ARFGAP3: variants seen among roughly 807,000 people sequenced by gnomAD.
ARFGAP3 encodes the protein ARF GTPase activating protein 3, also known as ADP-ribosylation factor GTPase-activating protein 3.
In ARFGAP3, 72 loss-of-function variants were observed where a neutral mutation model predicts 75.0. That is an observed-to-expected ratio of 0.96 (90% confidence interval 0.79 to 1.17). The LOEUF (loss-of-function observed/expected upper bound fraction) is 1.17, where lower values mean the gene tolerates loss of function less well. ARFGAP3 is among the 50% of genes most tolerant of loss of function. ARFGAP3 has a pLI of 0.00. For missense variants in ARFGAP3, 620 were observed against 626.6 expected, an observed-to-expected ratio of 0.99 and a Z score of 0.11; for synonymous variants, 221 against 217.9, an observed-to-expected ratio of 1.01 and a Z score of -0.13.
intron 11 of ARFGAP3, among the ~76,000 whole-genome samples, chr22:42,816,713 T>C: frequency 6.6e-6 from 1 of 152,254 alleles, no homozygotes; most frequent in South Asian, 2.1e-4. Context: ...CACACACCCA[T>C]AGAGTTTATT....
chr22:42,829,765 A>T (rs1050631193), intron 6 of ARFGAP3, among the ~76,000 whole-genome samples: 1 of 152,242 alleles, frequency 6.6e-6, no homozygotes, highest in African/African-American at 2.4e-5. Context: ...ATATGCCTAG[A>T]AGGGCTTCCT....
chr22:42,836,547 T>C (rs1241137564), intron 3 of ARFGAP3, among the ~76,000 whole-genome samples: 1 of 152,188 alleles, frequency 6.6e-6, no homozygotes, highest in Non-Finnish European at 1.5e-5. Context: ...TAACAGATAC[T>C]ACAATATAGG....
intron 2 of ARFGAP3, among the ~76,000 whole-genome samples, chr22:42,846,403 C>T (rs574128688): frequency 1.3e-5 from 2 of 152,332 alleles, no homozygotes; most frequent in South Asian, 4.1e-4. Flanking sequence ...TATTTCACTT[C>T]ACAAATAGTC....
In ARFGAP3 at chr22:42,830,703, TAAGA is replaced by T. The variant is rs1485339359; in HGVS notation, c.565+842_565+845del. 9.2e-5 allele frequency among the ~76,000 whole-genome samples: 14 copies of T among 152,382 alleles called. No individual in the cohort carries two copies. In the East Asian group the frequency reaches 1.7e-3, roughly 19 times the overall value. On this transcript the variant is annotated intron_variant, in intron 6 of 15. Coordinates refer to ENST00000263245, the MANE Select transcript of ARFGAP3 (RefSeq NM_014570.5). ...TATATTTACAATAAATGTAATCCTGTAAGAAAGTCACCAAATGTGAATCATTATG... is the reference window on the plus strand; with the variant it reads ...TATATTTACAATAAATGTAATCCTGTAAGTCACCAAATGTGAATCATTATG...
At chr22:42,835,292 G>C (rs994197104) in intron 4 of ARFGAP3, 70 bp downstream of exon 4, 3 of 1,556,100 alleles carry the variant, frequency 1.9e-6, no homozygotes, top group African/African-American at 2.7e-5. Flanking sequence ...TTACTATTCA[G>C]GATAAAAATC....
At chr22:42,817,632 A>AT (rs1477397316) in intron 10 of ARFGAP3, 97 bp downstream of exon 10, 2 of 1,053,690 alleles carry the variant, frequency 1.9e-6, no homozygotes, top group African/African-American at 3.3e-5. Context: ...TAACAAAAAA[A>AT]AATCTCTAAA....
chr22:42,842,380 T>G (rs1926825314), intron 2 of ARFGAP3, among the ~76,000 whole-genome samples: 1 of 147,126 alleles, frequency 6.8e-6, no homozygotes, highest in African/African-American at 2.5e-5. Flanking sequence ...ACTCCTGGGC[T>G]CAGGCAATCC....
chr22:42,797,031 T>C lies in ARFGAP3; in HGVS notation c.*557A>G, dbSNP rs1468861020. 1 of 152,346 alleles carries C rather than the reference T, an allele frequency of 6.6e-6. No individual in the cohort carries two copies. Among genetic ancestry groups the C allele is most frequent in the Admixed American group, 6.5e-5 (1 of 15,288 alleles). The allele number at this position is 152,346 out of a possible 1,614,324, so 9.4% of individuals were successfully genotyped here. ...AAAACATTTTTAAATTTATAGGTCA[T>C]ATAAAATAATTTACAAAGAGACAGA... On this transcript the variant is annotated 3_prime_UTR_variant, in exon 16 of 16. Coordinates refer to ENST00000263245, the MANE Select transcript of ARFGAP3 (RefSeq NM_014570.5).
rs1453179071 is a variant in ARFGAP3 at position 42,797,806 on chromosome 22, A to G, written c.1534-201T>C. Reference sequence around the variant, plus strand: ...GCTGAGGGTAGGTGTGGGCTTCAGAACCCAACAGGATTCACATCCTGCCTC... The same window carrying G: ...GCTGAGGGTAGGTGTGGGCTTCAGAGCCCAACAGGATTCACATCCTGCCTC... On this transcript the variant is annotated intron_variant, in intron 15 of 15. Coordinates refer to ENST00000263245, the MANE Select transcript of ARFGAP3 (RefSeq NM_014570.5). 5 of 923,012 alleles carry G rather than the reference A, an allele frequency of 5.4e-6. No individual in the cohort carries two copies. In the African/African-American group the frequency reaches 9.0e-5, roughly 17 times the overall value. The allele number at this position is 923,012 out of a possible 1,614,324, so 57.2% of individuals were successfully genotyped here.
intron 9 of ARFGAP3, among the ~76,000 whole-genome samples, chr22:42,821,316 T>C (rs963074644): frequency 3.3e-5 from 5 of 152,220 alleles, no homozygotes; most frequent in Admixed American, 6.5e-5. Flanking sequence ...TGTGCCATCA[T>C]CACCACTAAC....
rs1376015025 is a variant in ARFGAP3, at chr22:42,848,780, C to A, written c.70-1148G>T. Among the ~76,000 whole-genome samples the A allele has an allele frequency of 2.6e-5, 4 of 152,200 alleles. No homozygotes were observed. The East Asian group carries it at 7.7e-4, about 29-fold the overall frequency. On this transcript the variant is annotated intron_variant, in intron 1 of 15. Transcript: ENST00000263245. ...TGGCAGCCAGACTCCAAGATGGCCC[C>A]AGTGAAACCCACCTCCTGGTATTTG... is the stretch of plus-strand genomic sequence containing the variant.
intron 14 of ARFGAP3, among the ~76,000 whole-genome samples, chr22:42,806,629 C>T (rs557914581): frequency 6.6e-6 from 1 of 152,216 alleles, no homozygotes; most frequent in Non-Finnish European, 1.5e-5. Flanking sequence ...TCATTTAAGC[C>T]GCATGACAAC....
chr22:42,820,316 T>C (rs1398079323), intron 9 of ARFGAP3, among the ~76,000 whole-genome samples: 2 of 152,244 alleles, frequency 1.3e-5, no homozygotes, highest in Non-Finnish European at 2.9e-5. Context: ...TAAATTTTTG[T>C]ACACAAAGCA....
chr22:42,851,875 T>C (rs1010535387), intron 1 of ARFGAP3, among the ~76,000 whole-genome samples: 4 of 152,224 alleles, frequency 2.6e-5, no homozygotes, highest in Non-Finnish European at 4.4e-5. Context: ...TCAGGCACTA[T>C]TGTTGGCACT....
At chr22:42,811,958 C>T (rs1257578199) in intron 11 of ARFGAP3, among the ~76,000 whole-genome samples, 1 of 152,182 alleles carries the variant, frequency 6.6e-6, no homozygotes, top group Non-Finnish European at 1.5e-5. Context: ...AGGTGGATTG[C>T]TTGAGCCTGG....
chr22:42,820,979 G>A (rs1925788467), intron 9 of ARFGAP3, among the ~76,000 whole-genome samples: 1 of 151,900 alleles, frequency 6.6e-6, no homozygotes, highest in African/African-American at 2.4e-5. Context: ...GTTTCTCTTG[G>A]GTAAGTGGAC....
Position 42,797,436 on chromosome 22 carries a change from CAAAAG to C in ARFGAP3, c.*147_*151del, listed in dbSNP as rs781267843. 9.0e-5 allele frequency: 91 copies of C among 1,006,452 alleles called. No homozygotes were observed. The highest frequency in any genetic ancestry group is 2.2e-4 in the Middle Eastern group (1 of 4,588). 62.3% of individuals were successfully genotyped at this position (1,006,452 alleles called of 1,614,324 possible). On this transcript the variant is annotated 3_prime_UTR_variant, in exon 16 of 16. Transcript: ENST00000263245. Reference sequence around the variant, plus strand: ...TCCTACATCAGAACTCAGAATTTCTCAAAAGAAATATTAAAAATCAGAAACATATA... The same window carrying C: ...TCCTACATCAGAACTCAGAATTTCTCAAATATTAAAAATCAGAAACATATA...
intron 14 of ARFGAP3, among the ~76,000 whole-genome samples, chr22:42,803,030 C>T (rs1444797860): frequency 1.3e-5 from 2 of 152,206 alleles, no homozygotes; most frequent in Non-Finnish European, 2.9e-5. Context: ...GGGACTCCCT[C>T]TGTTGCCCGG....
chr22:42,843,085 GACCCCCCA>G (rs1926857544), intron 2 of ARFGAP3, among the ~76,000 whole-genome samples: 1 of 147,286 alleles, frequency 6.8e-6, no homozygotes, highest in South Asian at 2.2e-4. Flanking sequence ...GCCTCCCCCC[GACCCCCCA>G]ACCACATCCC....
Sources: gnomAD v4.1 joint callset for allele counts (sites outside exome capture counted in the v4.1 genomes callset) on GRCh38, gnomAD v4.1.1 for gene constraint, MANE v1.5 for transcripts, NCBI Gene and HGNC (gene_info 2026-07-23, HGNC 2026-07-21) for gene names.